Variants in ATP8A1 observed in about 807,000 individuals in gnomAD.
ATP8A1 encodes ATPase phospholipid transporting 8A1.
Under a neutral mutation model 177.7 loss-of-function variants are expected in ATP8A1, and 90 were observed. The ratio of observed to expected loss-of-function variants is 0.51; its 90% CI spans 0.43 to 0.60. The LOEUF (loss-of-function observed/expected upper bound fraction) is 0.60. Ranked by LOEUF, ATP8A1 falls within the 20% of genes least tolerant of loss-of-function variation. The pLI is 0.00. For synonymous variants in ATP8A1, 493 were observed against 485.9 expected, an observed-to-expected ratio of 1.01 and a Z score of -0.19; for missense variants, 1,072 against 1,392.8, an observed-to-expected ratio of 0.77 and a Z score of 3.67.
intron 22 of ATP8A1, among the ~76,000 whole-genome samples, chr4:42,518,934 T>C (rs1725838429): frequency 6.6e-6 from 1 of 152,186 alleles, no homozygotes; most frequent in East Asian, 1.9e-4. Flanking sequence ...TAATCCCAGC[T>C]GATTTTAACA....
At chr4:42,467,680 G>A (rs562367346) in intron 25 of ATP8A1, among the ~76,000 whole-genome samples, 9 of 152,278 alleles carry the variant, frequency 5.9e-5, no homozygotes, top group South Asian at 2.1e-4. Context: ...GTGACAGAGC[G>A]GGACTCCATC....
intron 30 of ATP8A1, among the ~76,000 whole-genome samples, chr4:42,451,080 T>C (rs1717882414): frequency 6.6e-6 from 1 of 152,112 alleles, no homozygotes; most frequent in Non-Finnish European, 1.5e-5. Flanking sequence ...GAGGATTTTG[T>C]TCTAAGTATG....
chr4:42,495,451 A>G (rs560556332), intron 24 of ATP8A1, among the ~76,000 whole-genome samples: 5 of 152,352 alleles, frequency 3.3e-5, no homozygotes, highest in Admixed American at 2.6e-4. Context: ...AGGTGGTAGT[A>G]AAAGAACGTA....
At chr4:42,531,427 A>T (rs1399494899) in intron 20 of ATP8A1, among the ~76,000 whole-genome samples, 1 of 152,246 alleles carries the variant, frequency 6.6e-6, no homozygotes, top group East Asian at 1.9e-4. Flanking sequence ...TGTAACTGTC[A>T]TGAGTATTTC....
At position 42,595,223 on chromosome 4, in the gene ATP8A1, T is replaced by A. The variant is rs147675228; in HGVS notation, c.451-4339A>T. On this transcript the variant is annotated intron_variant, in intron 6 of 36. Coordinates refer to ENST00000381668, the MANE Select transcript of ATP8A1 (RefSeq NM_006095.2). ...AAAAAAGACTTTCTAAATTAAAGCC[T>A]GTTTGTTCTTCCCCCTCCCTACTTT... Among the ~76,000 whole-genome samples the A allele has an allele frequency of 2.6e-3, 400 of 152,288 alleles. 3 individuals carry two copies. Among genetic ancestry groups the A allele is most frequent in the African/African-American group, 8.6e-3 (359 of 41,582 alleles).
At chr4:42,641,805 T>C (rs879418003) in intron 1 of ATP8A1, among the ~76,000 whole-genome samples, 1 of 152,194 alleles carries the variant, frequency 6.6e-6, no homozygotes, top group Non-Finnish European at 1.5e-5. Context: ...TTTTATAACA[T>C]ACAAACAGGT....
At position 42,581,430 on chromosome 4, in the gene ATP8A1, G is replaced by A. The variant is rs185177693; in HGVS notation, c.834+191C>T. Among the ~76,000 whole-genome samples the A allele has an allele frequency of 4.5e-3, 678 of 152,308 alleles. 4 individuals carry two copies. Among genetic ancestry groups the A allele is most frequent in the Middle Eastern group, 0.014 (4 of 294 alleles). ...TTACAGGCGTGAGCCACCGCGCCCA[G>A]CCCAAGCCATTCTTATAGGGAGGTA... On this transcript the variant is annotated intron_variant, in intron 10 of 36. Coordinates refer to ENST00000381668, the MANE Select transcript of ATP8A1 (RefSeq NM_006095.2).
At chr4:42,522,414 A>G (rs1726226495) in intron 21 of ATP8A1, 115 bp from the exon 22 acceptor site, 1 of 1,199,074 alleles carries the variant, frequency 8.3e-7, no homozygotes, top group African/African-American at 1.6e-5. Flanking sequence ...CATACAAACA[A>G]TATGATGAAG....
intron 33 of ATP8A1, among the ~76,000 whole-genome samples, chr4:42,431,215 T>C (rs11733756): frequency 0.56 from 85,507 of 152,008 alleles, 24,362 homozygotes; most frequent in Admixed American, 0.65. Flanking sequence ...CTTTAATTTT[T>C]ACTGATATGA....
intron 23 of ATP8A1, among the ~76,000 whole-genome samples, chr4:42,504,287 A>G (rs993959631): frequency 9.2e-5 from 14 of 152,146 alleles, no homozygotes; most frequent in African/African-American, 2.9e-4. Context: ...AACCGCAGAC[A>G]CTTACATAGG....
At chr4:42,490,012 C>T (rs989999538) in intron 24 of ATP8A1, among the ~76,000 whole-genome samples, 1 of 152,148 alleles carries the variant, frequency 6.6e-6, no homozygotes, top group African/African-American at 2.4e-5. Flanking sequence ...AGAGACATTG[C>T]AAGGTAAAGG....
At chr4:42,488,421 C>G (rs941948842) in intron 24 of ATP8A1, among the ~76,000 whole-genome samples, 1 of 151,974 alleles carries the variant, frequency 6.6e-6, no homozygotes, top group Non-Finnish European at 1.5e-5. Context: ...ACAAACCAAA[C>G]TTCAGACAGT....
intron 5 of ATP8A1, among the ~76,000 whole-genome samples, chr4:42,603,596 T>C (rs1735512333): frequency 6.6e-6 from 1 of 152,226 alleles, no homozygotes; most frequent in Non-Finnish European, 1.5e-5. Context: ...ATTTTAAAAC[T>C]CTTACAGAAA....
intron 25 of ATP8A1, among the ~76,000 whole-genome samples, chr4:42,467,600 G>A (rs1245068335): frequency 6.6e-6 from 1 of 152,204 alleles, no homozygotes; most frequent in Non-Finnish European, 1.5e-5. Context: ...AGCTGAGTCA[G>A]GAGAATCGCT....
At position 42,556,007 on chromosome 4, in the gene ATP8A1, A is replaced by G; in HGVS notation, c.1374T>C (p.Phe458=). 6.2e-7 allele frequency: 1 copy of G among 1,612,210 alleles called. No homozygotes were observed. The highest frequency in any genetic ancestry group is 8.5e-7 in the Non-Finnish European group (1 of 1,179,018). ...QNSQFGDEKT[F]SDSSLLENLQ... ...GATTTTCCAGCAATGATGAATCACT[A>G]AATGTTTTTTCATCTCCAAACTGTG... Residue 458 remains phenylalanine, a synonymous_variant, in exon 16 of 37, where the codon TTT becomes TTC. Coordinates refer to ENST00000381668, the MANE Select transcript of ATP8A1 (RefSeq NM_006095.2).
chr4:42,532,095 C>T (rs1473023085), intron 20 of ATP8A1, among the ~76,000 whole-genome samples: 2 of 151,954 alleles, frequency 1.3e-5, no homozygotes, highest in East Asian at 1.9e-4. Flanking sequence ...GAGTGAGACC[C>T]TGCCTCAAAA....
At chr4:42,575,766 A>C in intron 12 of ATP8A1, 67 bp from the exon 13 acceptor site, 1 of 1,323,826 alleles carries the variant, frequency 7.6e-7, no homozygotes, top group Non-Finnish European at 1.1e-6. Context: ...ACTTTAAAAG[A>C]AAACAATTAG....
At chr4:42,435,200 TG>T (rs1715776255) in intron 33 of ATP8A1, among the ~76,000 whole-genome samples, 1 of 151,466 alleles carries the variant, frequency 6.6e-6, no homozygotes. Flanking sequence ...CCAAGATGGG[TG>T]GATCACCTGA....
chr4:42,654,245 G>A (rs965024606), intron 1 of ATP8A1, among the ~76,000 whole-genome samples: 1 of 152,032 alleles, frequency 6.6e-6, no homozygotes, highest in African/African-American at 2.4e-5. Flanking sequence ...CAGGTCCTGC[G>A]TCCCCCACAG....
Sources: allele counts gnomAD v4.1 joint callset (sites outside exome capture counted in the v4.1 genomes callset), GRCh38; gene constraint gnomAD v4.1.1; transcripts MANE v1.5; gene names NCBI Gene and HGNC (gene_info 2026-07-23, HGNC 2026-07-21).